TRIP12: variants seen among roughly 807,000 people sequenced by gnomAD.
The protein encoded by TRIP12 is E3 ubiquitin-protein ligase TRIP12.
In TRIP12, 25 loss-of-function variants were observed where a neutral mutation model predicts 244.2. That is an observed-to-expected ratio of 0.10 (90% confidence interval 0.07 to 0.14). The LOEUF (loss-of-function observed/expected upper bound fraction) is 0.14, where lower values mean the gene tolerates loss of function less well. Among genes scored for constraint, TRIP12 ranks in the 10% least tolerant of loss-of-function variants. The probability of loss-of-function intolerance (pLI) is 1.00; values close to 1 mark genes in which losing one functional copy is unlikely to be tolerated. For synonymous variants in TRIP12, 905 were observed against 873.1 expected (o/e 1.04, Z -0.64); for missense variants, 1,677 against 2,486.4 (o/e 0.67, Z 6.92).
intron 1 of TRIP12, among the ~76,000 whole-genome samples, chr2:229,898,190 G>A (rs999431221): frequency 6.6e-6 from 1 of 152,172 alleles, no homozygotes; most frequent in African/African-American, 2.4e-5. Flanking sequence ...ACATTGATAA[G>A]TCAATGTCAA....
At chr2:229,920,614 A>G (rs1577264400) in intron 1 of TRIP12, among the ~76,000 whole-genome samples, 2 of 151,946 alleles carry the variant, frequency 1.3e-5, no homozygotes, top group Admixed American at 6.6e-5. Flanking sequence ...AAAACACAAC[A>G]TTTGTCTTAA....
rs556769091 is a variant in TRIP12, at chr2:229,765,384, T to G, written c.*2170A>C. The G allele has an allele frequency of 2.6e-5, 4 of 152,324 alleles. No homozygotes were observed. The East Asian group carries it at 7.7e-4, about 29-fold the overall frequency. The allele number at this position is 152,324 out of a possible 1,614,324, so 9.4% of individuals were successfully genotyped here. On this transcript the variant is annotated 3_prime_UTR_variant, in exon 42 of 42. Transcript: ENST00000675903. ...GCAATAAGGCCTCTGCCAAGAGAGATTACTTTAAGAGTTTTCCTGCCCCAA... is the reference window on the plus strand; with the variant it reads ...GCAATAAGGCCTCTGCCAAGAGAGAGTACTTTAAGAGTTTTCCTGCCCCAA...
chr2:229,819,351 C>G (rs1261295803), intron 8 of TRIP12, among the ~76,000 whole-genome samples: 1 of 152,152 alleles, frequency 6.6e-6, no homozygotes, highest in South Asian at 2.1e-4. Flanking sequence ...TTGAGACCAA[C>G]CTGGCCAACA....
intron 13 of TRIP12, among the ~76,000 whole-genome samples, chr2:229,811,985 C>A (rs934085448): frequency 5.9e-5 from 9 of 152,192 alleles, no homozygotes; most frequent in African/African-American, 2.2e-4. Context: ...TTCTCTAATT[C>A]TTTTATCTTA....
At chr2:229,849,286 T>C (rs2058181121) in intron 4 of TRIP12, among the ~76,000 whole-genome samples, 1 of 152,172 alleles carries the variant, frequency 6.6e-6, no homozygotes, top group Admixed American at 6.5e-5. Flanking sequence ...TCAGTGTAAA[T>C]AACATTTAGA....
At chr2:229,908,913 G>A (rs1449489330) in intron 1 of TRIP12, among the ~76,000 whole-genome samples, 2 of 151,284 alleles carry the variant, frequency 1.3e-5, no homozygotes, top group African/African-American at 2.4e-5. Context: ...GCAATATAGC[G>A]AGACCCCTCT....
intron 4 of TRIP12, among the ~76,000 whole-genome samples, chr2:229,848,603 C>CTTA (rs2058056724): frequency 6.6e-6 from 1 of 152,008 alleles, no homozygotes; most frequent in African/African-American, 2.4e-5. Flanking sequence ...GACAAGCACT[C>CTTA]AATAGAAAAT....
intron 26 of TRIP12, 130 bp downstream of exon 26, chr2:229,795,049 T>C (rs1380053391): frequency 7.3e-6 from 8 of 1,098,676 alleles, no homozygotes; most frequent in Non-Finnish European, 1.0e-5. Flanking sequence ...GAGTGCTTAA[T>C]TTCTTTCATC....
intron 34 of TRIP12, among the ~76,000 whole-genome samples, chr2:229,780,625 A>G (rs557516784): frequency 2.0e-4 from 31 of 152,148 alleles, no homozygotes; most frequent in Admixed American, 7.9e-4. Context: ...CTCATCCTCC[A>G]ACAGGCTAGG....
intron 39 of TRIP12, among the ~76,000 whole-genome samples, chr2:229,770,305 A>C (rs1428157011): frequency 1.3e-5 from 2 of 152,280 alleles, no homozygotes; most frequent in East Asian, 3.9e-4. Context: ...GGGTTATTCC[A>C]ATTTTACAGA....
At chr2:229,831,361 A>C (rs900084475) in intron 6 of TRIP12, among the ~76,000 whole-genome samples, 1 of 152,232 alleles carries the variant, frequency 6.6e-6, no homozygotes, top group African/African-American at 2.4e-5. Context: ...AGATATTACA[A>C]CTAACAGATG....
Position 229,840,812 on chromosome 2 carries a change from AAC to A in TRIP12, c.1133+8_1133+9del, listed in dbSNP as rs1553676607. 9 of 1,555,002 alleles carry A rather than the reference AAC, an allele frequency of 5.8e-6. No homozygotes were observed. The highest frequency in any genetic ancestry group is 1.2e-5 in the South Asian group (1 of 81,490). ...AATGAACTCACTATAAAAAAAAAAAAACAAATTACCTGGTACTAGCACAGGAG... is the reference window on the plus strand; with the variant it reads ...AATGAACTCACTATAAAAAAAAAAAAAAATTACCTGGTACTAGCACAGGAG... On this transcript the variant is annotated splice_region_variant and intron_variant, in intron 5 of 41. Transcript: ENST00000675903.
At position 229,815,385 on chromosome 2, in the gene TRIP12, G is replaced by C. The variant is rs555289610; in HGVS notation, c.1600-77C>G. ...AGAGGTATTTCTTCCTCTTCTATTTGAACTTCAACTGAAATGGAAGTATTA... is the reference window on the plus strand; with the variant it reads ...AGAGGTATTTCTTCCTCTTCTATTTCAACTTCAACTGAAATGGAAGTATTA... On this transcript the variant is annotated intron_variant, in intron 9 of 41. Transcript: ENST00000675903. 1.2e-5 allele frequency: 10 copies of C among 831,628 alleles called. No individual in the cohort carries two copies. In the East Asian group the frequency reaches 2.5e-4, roughly 21 times the overall value. 51.5% of individuals were successfully genotyped at this position (831,628 alleles called of 1,614,324 possible).
intron 4 of TRIP12, among the ~76,000 whole-genome samples, chr2:229,846,284 T>C (rs2057566472): frequency 6.6e-6 from 1 of 151,250 alleles, no homozygotes; most frequent in South Asian, 2.1e-4. Context: ...CTGCAAACTT[T>C]ATCGTTTTGA....
At chr2:229,830,540 A>G (rs1337417268) in intron 7 of TRIP12, among the ~76,000 whole-genome samples, 3 of 152,250 alleles carry the variant, frequency 2.0e-5, no homozygotes, top group Non-Finnish European at 2.9e-5. Flanking sequence ...ATAAATATGT[A>G]AGGCTTCATC....
At chr2:229,792,295 A>G in intron 27 of TRIP12, 69 bp from the exon 28 acceptor site, 1 of 1,384,816 alleles carries the variant, frequency 7.2e-7, no homozygotes, top group Non-Finnish European at 1.0e-6. Flanking sequence ...TCCTGTATAC[A>G]CACTGGTTAA....
At chr2:229,918,046 A>C (rs1267369689) in intron 1 of TRIP12, among the ~76,000 whole-genome samples, 3 of 152,210 alleles carry the variant, frequency 2.0e-5, no homozygotes, top group East Asian at 3.8e-4. Context: ...CCTACAGTCC[A>C]ATCAGGGAAA....
chr2:229,858,849 G>C lies in TRIP12; in HGVS notation c.950C>G (p.Thr317Arg). ...AGAAGACCCTGGAAGAGACAGTTTT[G>C]TTTTAGGAAGGCTAACTTTAGGGCT... ...RFSPKVSLPK[T>R]KLSLPGSSKS... Residue 317 changes from threonine to arginine, a missense_variant, in exon 4 of 42, where the codon ACA becomes AGA. By Grantham distance (71) the Thr-to-Arg change is moderately conservative. Around this residue, in one of 11 missense-constraint regions of TRIP12, gnomAD observed 387 missense variants for 392.6 expected, o/e 0.99. Coordinates refer to ENST00000675903, the MANE Select transcript of TRIP12 (RefSeq NM_001348323.3). 1.2e-6 allele frequency: 2 copies of C among 1,614,184 alleles called. No individual in the cohort carries two copies. The highest frequency in any genetic ancestry group is 1.7e-6 in the Non-Finnish European group (2 of 1,180,002).
At chr2:229,922,423 T>C, upstream of TRIP12, 1 of 1,204,954 alleles carries the variant, frequency 8.3e-7, no homozygotes, top group Non-Finnish European at 1.2e-6. Context: ...CTCATAAGCG[T>C]GGTTCAATTT....
Sources: gnomAD v4.1 joint callset for allele counts (sites outside exome capture counted in the v4.1 genomes callset) on GRCh38, gnomAD v4.1.1 for gene constraint, gnomAD v4.1.1 regional missense constraint, MANE v1.5 for transcripts, NCBI Gene and HGNC (gene_info 2026-07-23, HGNC 2026-07-21) for gene names.